The following MAP2K1 variants were observed in gnomAD, a reference collection of about 807,000 sequenced individuals.
The protein encoded by MAP2K1 is dual specificity mitogen-activated protein kinase kinase 1.
A neutral mutation model predicts 46.3 loss-of-function variants in MAP2K1; 16 were observed. The observed-to-expected ratio is 0.35, with a 90% CI of 0.23 to 0.52. The LOEUF (loss-of-function observed/expected upper bound fraction) is 0.52. MAP2K1 is among the 20% of genes least tolerant of loss of function. MAP2K1 has a pLI of 0.94. For synonymous variants in MAP2K1, 183 were observed against 185.6 expected, an observed-to-expected ratio of 0.99 and a Z score of 0.11; for missense variants, 263 against 497.1, an observed-to-expected ratio of 0.53 and a Z score of 4.48.
intron 1 of MAP2K1, among the ~76,000 whole-genome samples, chr15:66,417,745 G>A (rs2140548152): frequency 6.6e-6 from 1 of 152,232 alleles, no homozygotes; most frequent in African/African-American, 2.4e-5. Flanking sequence ...GTGTATTTGG[G>A]CAGGGAGAAG....
At chr15:66,487,111 T>A in intron 7 of MAP2K1, 117 bp from the exon 8 acceptor site, 1 of 823,000 alleles carries the variant, frequency 1.2e-6, no homozygotes, top group Admixed American at 1.9e-5. Context: ...TGTGGCTGTT[T>A]AATGTTTATT....
intron 5 of MAP2K1, among the ~76,000 whole-genome samples, chr15:66,461,793 G>C (rs1892330603): frequency 6.6e-6 from 1 of 152,020 alleles, no homozygotes; most frequent in African/African-American, 2.4e-5. Context: ...TACCTTTCTG[G>C]CTATGCATAG....
chr15:66,453,297 T>C (rs1170670753), intron 5 of MAP2K1, among the ~76,000 whole-genome samples: 2 of 152,220 alleles, frequency 1.3e-5, no homozygotes, highest in African/African-American at 4.8e-5. Flanking sequence ...TGTTGCTCTT[T>C]GGCATGAAGA....
chr15:66,452,746 G>A (rs1244209777), intron 5 of MAP2K1, among the ~76,000 whole-genome samples: 3 of 152,156 alleles, frequency 2.0e-5, no homozygotes, highest in Non-Finnish European at 2.9e-5. Context: ...CTGGCAAAGT[G>A]TTTTGCTTAT....
intron 1 of MAP2K1, among the ~76,000 whole-genome samples, chr15:66,396,995 C>CTTTTTTT (rs57043037): frequency 2.5e-5 from 1 of 39,246 alleles, no homozygotes; most frequent in African/African-American, 1.0e-4. Context: ...TGTAACGCTT[C>CTTTTTTT]TTTTTTTTTT....
intron 1 of MAP2K1, among the ~76,000 whole-genome samples, chr15:66,406,667 T>G (rs538395060): frequency 6.6e-6 from 1 of 152,266 alleles, no homozygotes; most frequent in South Asian, 2.1e-4. Context: ...ATTGGAATGG[T>G]GGCAAGGTAT....
At chr15:66,484,658 G>A (rs1239296579) in intron 6 of MAP2K1, among the ~76,000 whole-genome samples, 1 of 151,324 alleles carries the variant, frequency 6.6e-6, no homozygotes, top group Admixed American at 6.6e-5. Flanking sequence ...CTTCGGACAG[G>A]CTGCCCTGCG....
intron 3 of MAP2K1, among the ~76,000 whole-genome samples, chr15:66,439,984 G>A (rs2093499220): frequency 6.6e-6 from 1 of 150,912 alleles, no homozygotes; most frequent in South Asian, 2.1e-4. Flanking sequence ...TGAAGGAAGT[G>A]TACACTCGTA....
At chr15:66,475,303 G>A (rs551601121) in intron 5 of MAP2K1, among the ~76,000 whole-genome samples, 3 of 152,162 alleles carry the variant, frequency 2.0e-5, no homozygotes, top group Non-Finnish European at 2.9e-5. Context: ...CTAAGAAGAG[G>A]TTGTTTGAAG....
chr15:66,433,732 G>A (rs2140576157), intron 1 of MAP2K1, among the ~76,000 whole-genome samples: 1 of 152,264 alleles, frequency 6.6e-6, no homozygotes, highest in African/African-American at 2.4e-5. Context: ...ACATGATGAT[G>A]TATAATGAAG....
chr15:66,414,781 CTTT>C (rs79790588), intron 1 of MAP2K1, among the ~76,000 whole-genome samples: 1 of 141,540 alleles, frequency 7.1e-6, no homozygotes. Flanking sequence ...CATCCTGTGT[CTTT>C]TTTTTTTTTT....
chr15:66,398,854 A>T (rs1346540942), intron 1 of MAP2K1, among the ~76,000 whole-genome samples: 1 of 151,064 alleles, frequency 6.6e-6, no homozygotes. Flanking sequence ...GCTCACTGCA[A>T]CCTCCGTCTC....
At chr15:66,447,037 C>G (rs1344502521) in intron 5 of MAP2K1, among the ~76,000 whole-genome samples, 1 of 152,150 alleles carries the variant, frequency 6.6e-6, no homozygotes, top group Non-Finnish European at 1.5e-5. Flanking sequence ...AGCCACAGCA[C>G]TGCCAACACT....
chr15:66,432,455 C>G (rs1312982869), intron 1 of MAP2K1, among the ~76,000 whole-genome samples: 1 of 152,226 alleles, frequency 6.6e-6, no homozygotes, highest in Non-Finnish European at 1.5e-5. Context: ...TCAGCATTCC[C>G]TTTTCCTTTG....
chr15:66,469,062 C>T (rs1892542829), intron 5 of MAP2K1, among the ~76,000 whole-genome samples: 1 of 151,706 alleles, frequency 6.6e-6, no homozygotes, highest in Non-Finnish European at 1.5e-5. Context: ...TCCAGACCAG[C>T]CTGGCCAACA....
chr15:66,426,349 C>T (rs2140564118), intron 1 of MAP2K1, among the ~76,000 whole-genome samples: 1 of 102,324 alleles, frequency 9.8e-6, no homozygotes, highest in Non-Finnish European at 1.9e-5. Flanking sequence ...ATGAAATATT[C>T]ATCAAGAAGA....
chr15:66,436,444 C>A (rs1205550674), intron 2 of MAP2K1, among the ~76,000 whole-genome samples: 1 of 152,140 alleles, frequency 6.6e-6, no homozygotes, highest in Non-Finnish European at 1.5e-5. Context: ...TGAACCAAGT[C>A]CTCAAGGTCA....
intron 1 of MAP2K1, among the ~76,000 whole-genome samples, chr15:66,389,445 C>T (rs1454924317): frequency 1.3e-5 from 2 of 151,958 alleles, no homozygotes; most frequent in Non-Finnish European, 2.9e-5. Flanking sequence ...ACAGTAAAAG[C>T]AGGATGAGAA....
chr15:66,408,953 C>G (rs2093404738), intron 1 of MAP2K1, among the ~76,000 whole-genome samples: 2 of 152,178 alleles, frequency 1.3e-5, no homozygotes, highest in South Asian at 2.1e-4. Flanking sequence ...GCAGAAGATA[C>G]TCCTCTCCAA....
Sources: gnomAD v4.1 joint callset for allele counts (sites outside exome capture counted in the v4.1 genomes callset) on GRCh38, gnomAD v4.1.1 for gene constraint, MANE v1.5 for transcripts, NCBI Gene and HGNC (gene_info 2026-07-23, HGNC 2026-07-21) for gene names.